The following CACNB2 variants were observed in gnomAD, a reference collection of about 807,000 sequenced individuals.
CACNB2 encodes the protein calcium voltage-gated channel auxiliary subunit beta 2.
CACNB2 carries 42 observed loss-of-function variants against 73.3 expected under a neutral mutation model. The observed-to-expected ratio is 0.57, with a 90% CI of 0.45 to 0.74. The LOEUF is 0.74. CACNB2 is among the 30% of genes least tolerant of loss of function. The pLI is 0.00. For missense variants in CACNB2, 940 were observed against 853.0 expected, an observed-to-expected ratio of 1.10 and a Z score of -1.27; for synonymous variants, 348 against 310.3, an observed-to-expected ratio of 1.12 and a Z score of -1.28.
intron 2 of CACNB2, among the ~76,000 whole-genome samples, chr10:18,270,986 T>C (rs1253109430): frequency 6.6e-6 from 1 of 152,176 alleles, no homozygotes; most frequent in Non-Finnish European, 1.5e-5. Context: ...TATGTCGTTT[T>C]GGGGGATGGG....
intron 2 of CACNB2, among the ~76,000 whole-genome samples, chr10:18,284,489 A>G (rs1273272923): frequency 6.6e-6 from 1 of 152,224 alleles, no homozygotes; most frequent in Non-Finnish European, 1.5e-5. Context: ...TTGATAGGAT[A>G]TACCTGGTTG....
chr10:18,193,111 T>C (rs569398852), intron 2 of CACNB2, among the ~76,000 whole-genome samples: 26 of 152,310 alleles, frequency 1.7e-4, no homozygotes, highest in African/African-American at 6.3e-4. Flanking sequence ...TTGAATACAA[T>C]GTATAATGAT....
At chr10:18,237,994 C>G (rs1720794621) in intron 2 of CACNB2, among the ~76,000 whole-genome samples, 1 of 152,192 alleles carries the variant, frequency 6.6e-6, no homozygotes, top group Non-Finnish European at 1.5e-5. Flanking sequence ...CACTCTCTCT[C>G]TGTAGCGTGG....
At chr10:18,196,278 C>T (rs1052746161) in intron 2 of CACNB2, among the ~76,000 whole-genome samples, 5 of 148,168 alleles carry the variant, frequency 3.4e-5, no homozygotes, top group African/African-American at 5.0e-5. Flanking sequence ...AATGGCAGCA[C>T]CACCACCAAC....
chr10:18,387,992 A>G (rs999355812), intron 2 of CACNB2, among the ~76,000 whole-genome samples: 6 of 152,122 alleles, frequency 3.9e-5, no homozygotes, highest in African/African-American at 1.4e-4. Context: ...GCCGAGCTCA[A>G]GCAATCCTCC....
intron 3 of CACNB2, among the ~76,000 whole-genome samples, chr10:18,440,851 C>G (rs952970939): frequency 1.3e-5 from 2 of 152,188 alleles, no homozygotes. Context: ...AAAGGTCACA[C>G]AGGGACTTGC....
At chr10:18,497,009 G>A (rs1459705096) in intron 3 of CACNB2, among the ~76,000 whole-genome samples, 12 of 149,514 alleles carry the variant, frequency 8.0e-5, no homozygotes, top group Non-Finnish European at 1.6e-4. Context: ...TCAGGGGTTC[G>A]AGACCAGCTT....
intron 2 of CACNB2, 95 bp from the exon 3 acceptor site, chr10:18,401,829 A>G: frequency 8.0e-7 from 1 of 1,243,066 alleles, no homozygotes; most frequent in Non-Finnish European, 1.2e-6. Context: ...GAAAGTATAG[A>G]ACAATCCGGG....
intron 2 of CACNB2, among the ~76,000 whole-genome samples, chr10:18,385,534 G>A (rs1564491786): frequency 6.6e-6 from 1 of 151,356 alleles, no homozygotes. Flanking sequence ...GGCTGAGGCA[G>A]GAGAATCGCT....
At chr10:18,346,252 G>A (rs2041448350) in intron 2 of CACNB2, among the ~76,000 whole-genome samples, 1 of 151,946 alleles carries the variant, frequency 6.6e-6, no homozygotes, top group Non-Finnish European at 1.5e-5. Context: ...CGATTCTCCT[G>A]CCTCAGCCTC....
chr10:18,453,231 A>T (rs571574344), intron 3 of CACNB2, among the ~76,000 whole-genome samples: 2 of 152,254 alleles, frequency 1.3e-5, no homozygotes, highest in South Asian at 4.2e-4. Flanking sequence ...TTAACACTTA[A>T]ATTGGATCCT....
rs550054931 is a variant in CACNB2 at position 18,422,458 on chromosome 10, C to A, written c.333+20415C>A. ...ATGATATATGAAATGTTTGCAGCAG[C>A]AGAACTTTTTCCTGCCCAAAGGTTT... On this transcript the variant is annotated intron_variant, in intron 3 of 13. Coordinates refer to ENST00000324631, the MANE Select transcript of CACNB2 (RefSeq NM_201596.3). Among the ~76,000 whole-genome samples the A allele has an allele frequency of 5.9e-5, 9 of 152,290 alleles. No individual in the cohort carries two copies. The East Asian group carries it at 1.7e-3, about 29-fold the overall frequency.
chr10:18,414,188 ATGGGCCTTG>A (rs2044800819), intron 3 of CACNB2, among the ~76,000 whole-genome samples: 1 of 152,226 alleles, frequency 6.6e-6, no homozygotes, highest in Non-Finnish European at 1.5e-5. Flanking sequence ...TGACGAAGGC[ATGGGCCTTG>A]TCTCCTGTAC....
At chr10:18,537,228 T>G (rs59368188) in intron 12 of CACNB2, among the ~76,000 whole-genome samples, 1 of 152,036 alleles carries the variant, frequency 6.6e-6, no homozygotes, top group African/African-American at 2.4e-5. Context: ...CCTCAAGTGA[T>G]CCATCCACCT....
intron 9 of CACNB2, among the ~76,000 whole-genome samples, chr10:18,522,378 A>C (rs868721038): frequency 4.5e-4 from 68 of 152,318 alleles, no homozygotes; most frequent in African/African-American, 1.6e-3. Context: ...AGTTGTCTTT[A>C]ATGAAACTGG....
chr10:18,509,815 G>GA (rs149522586), intron 6 of CACNB2, among the ~76,000 whole-genome samples: 8,964 of 151,942 alleles, frequency 0.059, 337 homozygotes, highest in Non-Finnish European at 0.075. Flanking sequence ...CAAACAAACA[G>GA]AAAAAATGTT....
chr10:18,468,310 A>T (rs12777225), intron 3 of CACNB2, among the ~76,000 whole-genome samples: 17,625 of 152,054 alleles, frequency 0.12, 1,264 homozygotes, highest in Admixed American at 0.18. Flanking sequence ...ACACTAAAAA[A>T]ATTAGCTAGG....
At chr10:18,407,374 G>A (rs150919142) in intron 3 of CACNB2, among the ~76,000 whole-genome samples, 5 of 151,862 alleles carry the variant, frequency 3.3e-5, no homozygotes, top group South Asian at 2.1e-4. Flanking sequence ...CATCTGCCTC[G>A]GTCTCCCAGA....
chr10:18,433,873 TTTGTTGTTG>T (rs143561512), intron 3 of CACNB2, among the ~76,000 whole-genome samples: 172 of 150,030 alleles, frequency 1.1e-3, no homozygotes, highest in East Asian at 5.2e-3. Context: ...TAAATCAGAT[TTTGTTGTTG>T]TTGTTGTTGT....
Sources: allele counts gnomAD v4.1 joint callset (sites outside exome capture counted in the v4.1 genomes callset), GRCh38; gene constraint gnomAD v4.1.1; transcripts MANE v1.5; gene names NCBI Gene and HGNC (gene_info 2026-07-23, HGNC 2026-07-21).